The following PLXNA2 variants were observed in gnomAD, a reference collection of about 807,000 sequenced individuals.
The protein encoded by PLXNA2 is plexin A2, also known as plexin-A2.
PLXNA2 carries 91 observed loss-of-function variants against 193.5 expected under a neutral mutation model. The observed-to-expected ratio is 0.47, with a 90% CI of 0.40 to 0.56. PLXNA2 has a LOEUF of 0.56. PLXNA2 is among the 20% of genes least tolerant of loss of function. The pLI is 0.00. For synonymous variants in PLXNA2, 997 were observed against 1,027.3 expected (o/e 0.97, Z 0.56); for missense variants, 1,995 against 2,503.2 (o/e 0.80, Z 4.33).
intron 3 of PLXNA2, among the ~76,000 whole-genome samples, chr1:208,168,640 T>C (rs1182150850): frequency 6.6e-6 from 1 of 151,330 alleles, no homozygotes; most frequent in Non-Finnish European, 1.5e-5. Flanking sequence ...AAATGTTCTA[T>C]CTGCTGCTTT....
intron 4 of PLXNA2, among the ~76,000 whole-genome samples, chr1:208,115,278 C>T (rs1031377540): frequency 1.4e-4 from 21 of 152,252 alleles, no homozygotes; most frequent in African/African-American, 4.3e-4. Context: ...AGAAATACAC[C>T]GGGCACATAT....
intron 1 of PLXNA2, among the ~76,000 whole-genome samples, chr1:208,235,727 A>G (rs1305359796): frequency 5.3e-5 from 8 of 151,966 alleles, no homozygotes; most frequent in Non-Finnish European, 2.9e-5. Context: ...TCTGCTCTCA[A>G]CCATCTCAGT....
At position 208,033,329 on chromosome 1, in the gene PLXNA2, A is replaced by G. The variant is rs761344374; in HGVS notation, c.5045T>C (p.Leu1682Pro). Reference protein sequence around the residue: ...MVSEIYLTRLLATKGTLQKFV... With the variant: ...MVSEIYLTRLPATKGTLQKFV... ...CAGAGGGGGAGTTACCTTGGTGGCCAGTAGCCGGGTCAGGTAGATCTCGGA... is the reference window on the plus strand; with the variant it reads ...CAGAGGGGGAGTTACCTTGGTGGCCGGTAGCCGGGTCAGGTAGATCTCGGA... Residue 1682 changes from leucine (L) to proline (P), a missense_variant, in exon 28 of 32, where the codon CTG becomes CCG. Physicochemically the swap from Leu to Pro is moderately conservative, Grantham distance 98. Around this residue, in one of 3 missense-constraint regions of PLXNA2, gnomAD observed 1,291 missense variants for 1,673.6 expected, o/e 0.77. Transcript: ENST00000367033. 1 of 1,612,728 alleles carries G rather than the reference A, an allele frequency of 6.2e-7. No homozygotes were observed. Among genetic ancestry groups the G allele is most frequent in the Non-Finnish European group, 8.5e-7 (1 of 1,179,052 alleles).
rs189216566 is a variant in PLXNA2 at position 208,110,418 on chromosome 1, A to T, written c.1507-7171T>A. On this transcript the variant is annotated intron_variant, in intron 4 of 31. Transcript: ENST00000367033. ...GCTGCCTAAGGTTCTGGGGGAAGTG[A>T]TGGGCACTGAGGTCTCCTGACAGCT... Among the ~76,000 whole-genome samples the T allele has an allele frequency of 4.7e-4, 72 of 152,350 alleles. No individual in the cohort carries two copies. In the Middle Eastern group the frequency reaches 0.01, roughly 22 times the overall value.
chr1:208,102,472 G>A (rs1293329200), intron 5 of PLXNA2, among the ~76,000 whole-genome samples: 3 of 152,196 alleles, frequency 2.0e-5, no homozygotes, highest in Non-Finnish European at 4.4e-5. Flanking sequence ...GGTATTCAAC[G>A]GCAGATCATG....
intron 31 of PLXNA2, 23 bp downstream of exon 31, chr1:208,027,986 T>A (rs1310229656): frequency 2.0e-6 from 3 of 1,531,966 alleles, no homozygotes; most frequent in African/African-American, 2.8e-5. Flanking sequence ...TTGGTTTCTG[T>A]CCCTGCTGGG....
intron 14 of PLXNA2, among the ~76,000 whole-genome samples, chr1:208,053,688 G>C (rs1172471557): frequency 1.3e-5 from 2 of 152,226 alleles, no homozygotes; most frequent in Non-Finnish European, 2.9e-5. Context: ...TGTCAGAAGA[G>C]AGACTTCGGG....
chr1:208,151,569 T>C (rs968168432), intron 3 of PLXNA2, among the ~76,000 whole-genome samples: 8 of 152,202 alleles, frequency 5.3e-5, no homozygotes, highest in African/African-American at 1.9e-4. Context: ...TAGCACTTCC[T>C]GGGACTGGAT....
At position 208,052,462 on chromosome 1, in the gene PLXNA2, T is replaced by C. The variant is rs1258369499; in HGVS notation, c.2858A>G (p.Asn953Ser). ...TKSHQQYTFV[N>S]PSVLSLNPIR... is the part of the protein sequence containing the mutation. ...TGGGTTGAGTGACAGCACAGAAGGG[T>C]TCTTTGGAAAGAAGCAGAGAAATGA... Residue 953 changes from asparagine to serine, a missense_variant and splice_region_variant, in exon 15 of 32, where the codon AAC becomes AGC. Physicochemically the swap from Asn to Ser is conservative, Grantham distance 46. This residue lies in a region of PLXNA2 where 1,291 missense variants were observed against 1,673.6 expected (regional missense o/e 0.77). Coordinates refer to ENST00000367033, the MANE Select transcript of PLXNA2 (RefSeq NM_025179.4). 1 of 1,613,800 alleles carries C rather than the reference T, an allele frequency of 6.2e-7. No individual in the cohort carries two copies. Among genetic ancestry groups the C allele is most frequent in the Admixed American group, 1.7e-5 (1 of 59,970 alleles).
chr1:208,031,628 G>A lies in PLXNA2; in HGVS notation c.5187C>T (p.Ile1729=). 6.2e-7 allele frequency: 1 copy of A among 1,613,992 alleles called. No individual in the cohort carries two copies. The highest frequency in any genetic ancestry group is 1.1e-5 in the South Asian group (1 of 91,064). Residue 1729 remains isoleucine, a synonymous_variant, in exon 29 of 32, where the codon ATC becomes ATT. Transcript: ENST00000367033. The part of the protein sequence containing the change: ...FLDEQADRHS[I]HDTDVRHTWK... Reference sequence around the variant, plus strand: ...AGGTGTGCCGCACATCTGTGTCATGGATGCTGTGCCTGTCTGCCTGCTCAT... The same window carrying A: ...AGGTGTGCCGCACATCTGTGTCATGAATGCTGTGCCTGTCTGCCTGCTCAT...
At chr1:208,171,751 G>T (rs1669500965) in intron 3 of PLXNA2, among the ~76,000 whole-genome samples, 1 of 152,052 alleles carries the variant, frequency 6.6e-6, no homozygotes, top group South Asian at 2.1e-4. Context: ...AGCTACTTGG[G>T]AAGCTGAGGT....
intron 3 of PLXNA2, among the ~76,000 whole-genome samples, chr1:208,197,344 A>T (rs763344634): frequency 6.6e-6 from 1 of 152,258 alleles, no homozygotes; most frequent in Non-Finnish European, 1.5e-5. Flanking sequence ...GCATGACGAC[A>T]CGTGATTACT....
In PLXNA2 at chr1:208,233,988, G is replaced by T. The variant is rs1191683035; in HGVS notation, c.-81+9655C>A. On this transcript the variant is annotated intron_variant, in intron 1 of 31. Transcript: ENST00000367033. ...GATGGGAAGAGAAGAGGAGAGGTCA[G>T]TTCTCACAGGGAATACTGCTTCATC... is the stretch of plus-strand genomic sequence containing the variant. Among the ~76,000 whole-genome samples, 3 of 152,174 alleles carry T rather than the reference G, an allele frequency of 2.0e-5. 1 individual carries two copies. Among genetic ancestry groups the T allele is most frequent in the African/African-American group, 4.8e-5 (2 of 41,428 alleles).
chr1:208,155,579 G>A (rs1668913530), intron 3 of PLXNA2, among the ~76,000 whole-genome samples: 1 of 152,138 alleles, frequency 6.6e-6, no homozygotes, highest in South Asian at 2.1e-4. Context: ...TTGACAATTT[G>A]GCAGTAAGTT....
intron 4 of PLXNA2, among the ~76,000 whole-genome samples, chr1:208,130,018 A>G (rs1668098928): frequency 6.6e-6 from 1 of 152,188 alleles, no homozygotes; most frequent in Non-Finnish European, 1.5e-5. Context: ...TAAGTCACCA[A>G]CAGCTGATGA....
chr1:208,212,054 G>A (rs1036557309), intron 2 of PLXNA2, among the ~76,000 whole-genome samples: 9 of 152,158 alleles, frequency 5.9e-5, no homozygotes, highest in East Asian at 1.9e-4. Context: ...AAAGAGCCCC[G>A]CATCCTGTGG....
intron 1 of PLXNA2, among the ~76,000 whole-genome samples, chr1:208,238,409 C>T (rs953122075): frequency 6.6e-6 from 1 of 152,160 alleles, no homozygotes; most frequent in African/African-American, 2.4e-5. Context: ...CCTCCCTTCC[C>T]CCTGCCCTGA....
rs1558182554 is a variant in PLXNA2, at chr1:208,082,385, A to G, written c.2395+27T>C. 6.3e-7 allele frequency: 1 copy of G among 1,593,872 alleles called. No homozygotes were observed. Among genetic ancestry groups the G allele is most frequent in the African/African-American group, 1.3e-5 (1 of 74,632 alleles). On this transcript the variant is annotated intron_variant, in intron 11 of 31. Coordinates refer to ENST00000367033, the MANE Select transcript of PLXNA2 (RefSeq NM_025179.4). The surrounding 1 kb of genome is among the most constrained non-coding windows in gnomAD (Gnocchi z 4.2). ...CTTTCCCGGGGTCGTGAAAAGATCAAACTTCTACCCGGAAGTAGCCGCTTA... is the reference window on the plus strand; with the variant it reads ...CTTTCCCGGGGTCGTGAAAAGATCAGACTTCTACCCGGAAGTAGCCGCTTA...
intron 5 of PLXNA2, among the ~76,000 whole-genome samples, chr1:208,101,900 T>C (rs1219795959): frequency 2.0e-5 from 3 of 152,128 alleles, no homozygotes; most frequent in South Asian, 2.1e-4. Context: ...GTCAGGTTCT[T>C]TGGAGAAAGA....
Sources: gnomAD v4.1 joint callset for allele counts (sites outside exome capture counted in the v4.1 genomes callset) on GRCh38, gnomAD v4.1.1 for gene constraint, gnomAD v4.1.1 regional missense constraint, Gnocchi (gnomAD v3.1) non-coding constraint, MANE v1.5 for transcripts, NCBI Gene and HGNC (gene_info 2026-07-23, HGNC 2026-07-21) for gene names.